Variants in FASTKD2 observed in about 807,000 individuals in gnomAD.
The protein encoded by FASTKD2 is FAST kinase domain-containing protein 2, mitochondrial.
A neutral mutation model predicts 63.6 loss-of-function variants in FASTKD2; 51 were observed. That is an observed-to-expected ratio of 0.80 (90% CI 0.64 to 1.01). FASTKD2 has a LOEUF of 1.01. Among genes scored for constraint, FASTKD2 ranks in the 50% least tolerant of loss-of-function variants. FASTKD2 has a pLI of 0.00. For synonymous variants in FASTKD2, 284 were observed against 293.4 expected (o/e 0.97, Z 0.33); for missense variants, 786 against 831.1 (o/e 0.95, Z 0.67).
intron 11 of FASTKD2, 136 bp downstream of exon 11, chr2:206,790,822 T>C (rs993759719): frequency 2.9e-6 from 2 of 694,692 alleles, no homozygotes; most frequent in Admixed American, 4.0e-5. Flanking sequence ...CTTTAGTTAC[T>C]GTTTTCTTTG....
At chr2:206,765,933 C>T (rs985001576) in intron 1 of FASTKD2, among the ~76,000 whole-genome samples, 186 bp downstream of exon 1, 2 of 151,990 alleles carry the variant, frequency 1.3e-5, no homozygotes, top group African/African-American at 4.8e-5. Flanking sequence ...TGCCCAGGTC[C>T]CTATTCTTGA....
intron 2 of FASTKD2, 27 bp from the exon 3 acceptor site, chr2:206,770,064 A>T: frequency 7.2e-7 from 1 of 1,380,524 alleles, no homozygotes; most frequent in Non-Finnish European, 1.0e-6. Context: ...CATCACCTGT[A>T]GTGTTTTTGT....
chr2:206,767,042 A>G lies in FASTKD2; in HGVS notation c.349A>G (p.Lys117Glu), dbSNP rs757770737. The G allele has an allele frequency of 6.2e-7, 1 of 1,614,042 alleles. No homozygotes were observed. The highest frequency in any genetic ancestry group is 8.5e-7 in the Non-Finnish European group (1 of 1,179,910). The change falls in exon 2 of 12, where the codon AAG becomes GAG. Residue 117 changes from lysine (K) to glutamate (E), a missense_variant. By Grantham distance (56) the Lys-to-Glu change is moderately conservative. Transcript: ENST00000402774. The part of the protein sequence containing the change: ...LYAKRLFFDS[K>E]QSLVPVDKSD... ...TGCTAAAAGACTGTTTTTTGACTCA[A>G]AGCAGTCTCTTGTCCCTGTTGATAA...
In FASTKD2 at chr2:206,792,197, G is replaced by T; in HGVS notation, c.*395G>T. On this transcript the variant is annotated 3_prime_UTR_variant, in exon 12 of 12. Transcript: ENST00000402774. ...CTGCTCTAAGCTGTTCTAAGACTTGGGGTTATGCCTTTAAATCATTTTCAA... is the reference window on the plus strand; with the variant it reads ...CTGCTCTAAGCTGTTCTAAGACTTGTGGTTATGCCTTTAAATCATTTTCAA... 4.8e-6 allele frequency: 1 copy of T among 207,664 alleles called. No individual in the cohort carries two copies. Among genetic ancestry groups the T allele is most frequent in the South Asian group, 7.9e-5 (1 of 12,718 alleles). 12.9% of individuals were successfully genotyped at this position (207,664 alleles called of 1,614,324 possible). A position where few individuals can be genotyped will look rare whatever the true frequency, so the allele number is the denominator to read the frequency against.
In FASTKD2 at chr2:206,793,471, T is replaced by C. The variant is rs1690353936; in HGVS notation, c.*1669T>C. Among the ~76,000 whole-genome samples, 1 of 152,136 alleles carries C rather than the reference T, an allele frequency of 6.6e-6. No individual in the cohort carries two copies. The highest frequency in any genetic ancestry group is 6.5e-5 in the Admixed American group (1 of 15,278). Reference sequence around the variant, plus strand: ...ATTTCATCCTCACCTGCTCTTCAGCTTGTGTCCCAGGAGATCAGGCTTCTG... The same window carrying C: ...ATTTCATCCTCACCTGCTCTTCAGCCTGTGTCCCAGGAGATCAGGCTTCTG... On this transcript the variant is annotated 3_prime_UTR_variant, in exon 12 of 12. Coordinates refer to ENST00000402774, the MANE Select transcript of FASTKD2 (RefSeq NM_001136193.2).
intron 7 of FASTKD2, among the ~76,000 whole-genome samples, chr2:206,780,354 C>T (rs12478819): frequency 0.044 from 6,761 of 152,174 alleles, 184 homozygotes; most frequent in Non-Finnish European, 0.062. Flanking sequence ...TTTTGAAGGA[C>T]GGTTTTGCCA....
At position 206,777,331 on chromosome 2, in the gene FASTKD2, C is replaced by G. The variant is rs140237033; in HGVS notation, c.1427+2934C>G. Among the ~76,000 whole-genome samples the G allele has an allele frequency of 2.2e-4, 33 of 152,128 alleles. No homozygotes were observed. In the East Asian group the frequency reaches 6.0e-3, roughly 28 times the overall value. On this transcript the variant is annotated intron_variant, in intron 7 of 11. Coordinates refer to ENST00000402774, the MANE Select transcript of FASTKD2 (RefSeq NM_001136193.2). Reference sequence around the variant, plus strand: ...GGCTTTTCATATATGGTCTTACTTACGGTGAGGCACATTTCTTCTATACCT... The same window carrying G: ...GGCTTTTCATATATGGTCTTACTTAGGGTGAGGCACATTTCTTCTATACCT...
chr2:206,774,357 T>A lies in FASTKD2; in HGVS notation c.1387T>A (p.Tyr463Asn). The change falls in exon 7 of 12, where the codon TAC (tyrosine) becomes AAC (asparagine). Residue 463 changes from tyrosine to asparagine, a missense_variant. Transcript: ENST00000402774. ...MKNILSILHT[Y>N]SSLNHVYKCQ... ...AAACATTCTATCTATTCTTCATACT[T>A]ACTCTTCTCTCAATCATGTCTACAA... 1 of 1,604,806 alleles carries A rather than the reference T, an allele frequency of 6.2e-7. No homozygotes were observed. The highest frequency in any genetic ancestry group is 8.5e-7 in the Non-Finnish European group (1 of 1,172,784).
Position 206,770,114 on chromosome 2 carries a change from G to C in FASTKD2, c.801G>C (p.Glu267Asp), listed in dbSNP as rs1446182896. 3.1e-6 allele frequency: 5 copies of C among 1,607,640 alleles called. No individual in the cohort carries two copies. Among genetic ancestry groups the C allele is most frequent in the Non-Finnish European group, 4.3e-6 (5 of 1,174,104 alleles). The change falls in exon 3 of 12, where the codon GAG becomes GAC. Residue 267 changes from glutamate to aspartate, a missense_variant. Glu to Asp is a conservative substitution (Grantham distance 45). Transcript: ENST00000402774. ...AGGAACGTATCAATGAGTGTGATGA[G>C]ATATGCCTTTCAGTTTTGTCAACTG... ...VTQERINECD[E>D]ICLSVLSTVL... is the part of the protein sequence containing the mutation.
rs368791899 is a variant in FASTKD2 at position 206,766,863 on chromosome 2, A to G, written c.170A>G (p.Asn57Ser). The change falls in exon 2 of 12, where the codon AAC (asparagine) becomes AGC (serine). Residue 57 changes from asparagine (N) to serine (S), a missense_variant. Coordinates refer to ENST00000402774, the MANE Select transcript of FASTKD2 (RefSeq NM_001136193.2). Reference sequence around the variant, plus strand: ...TGCAAACCAAAAATAGTTCATTCAAACTGGAACATTTTAAATAACTTTCAT... The same window carrying G: ...TGCAAACCAAAAATAGTTCATTCAAGCTGGAACATTTTAAATAACTTTCAT... ...GLCKPKIVHS[N>S]WNILNNFHNR... 24 of 1,605,000 alleles carry G rather than the reference A, an allele frequency of 1.5e-5. No homozygotes were observed. The African/African-American group carries it at 3.1e-4, about 21-fold the overall frequency.
Position 206,791,698 on chromosome 2 carries a change from A to G in FASTKD2, c.2029A>G (p.Met677Val), listed in dbSNP as rs779256739. The G allele has an allele frequency of 4.3e-6, 7 of 1,612,754 alleles. No individual in the cohort carries two copies. The East Asian group carries it at 1.6e-4, about 36-fold the overall frequency. The change falls in exon 12 of 12, where the codon ATG (methionine) becomes GTG (valine). Residue 677 changes from methionine to valine, a missense_variant. Transcript: ENST00000402774. ...FHVILVNNWE[M>V]DKLEMEDAVT... ...CTTTGGTAAGGTCAATAACTGGGAG[A>G]TGGACAAACTAGAGATGGAAGATGC...
chr2:206,779,133 G>A (rs1689901203), intron 7 of FASTKD2, among the ~76,000 whole-genome samples: 1 of 152,020 alleles, frequency 6.6e-6, no homozygotes, highest in Admixed American at 6.6e-5. Context: ...ATTATGTAAT[G>A]ACCTTGTTTG....
At chr2:206,791,595 A>C in intron 11 of FASTKD2, 88 bp from the exon 12 acceptor site, 4 of 1,252,188 alleles carry the variant, frequency 3.2e-6, no homozygotes, top group Non-Finnish European at 4.7e-6. Context: ...TATTGTCCTC[A>C]TGTTACTTTA....
Position 206,793,248 on chromosome 2 carries a change from A to AAAAAAAAAAAAAAC in FASTKD2, c.*1449_*1450insAAAAAAAAAACAAA, listed in dbSNP as rs1259024642. Among the ~76,000 whole-genome samples, 31 of 126,630 alleles carry AAAAAAAAAAAAAAC rather than the reference A, an allele frequency of 2.4e-4. 1 individual carries two copies. Among genetic ancestry groups the AAAAAAAAAAAAAAC allele is most frequent in the South Asian group, 5.5e-4 (2 of 3,664 alleles). The allele number at this position is 126,630 out of a possible 152,430, so 83.1% of individuals were successfully genotyped here. ...AAAAAAAAAAAAAAAAAAAAAAAAA[A>AAAAAAAAAAAAAAC]AAATACAAAAACTATAGCAATATGA... On this transcript the variant is annotated 3_prime_UTR_variant, in exon 12 of 12. Coordinates refer to ENST00000402774, the MANE Select transcript of FASTKD2 (RefSeq NM_001136193.2).
At position 206,766,997 on chromosome 2, in the gene FASTKD2, A is replaced by G; in HGVS notation, c.304A>G (p.Arg102Gly). The part of the protein sequence containing the change: ...TKGISTLTAL[R>G]IERLLYAKRL... ...GGGCATAAGCACTCTAACAGCCCTT[A>G]GAATTGAAAGACTACTTTATGCTAA... The change falls in exon 2 of 12, where the codon AGA (arginine) becomes GGA (glycine). Residue 102 changes from arginine to glycine, a missense_variant. Arg to Gly is a moderately radical substitution (Grantham distance 125). Coordinates refer to ENST00000402774, the MANE Select transcript of FASTKD2 (RefSeq NM_001136193.2). 6.2e-7 allele frequency: 1 copy of G among 1,613,346 alleles called. No homozygotes were observed. The highest frequency in any genetic ancestry group is 8.5e-7 in the Non-Finnish European group (1 of 1,179,316).
chr2:206,779,971 A>G (rs890944414), intron 7 of FASTKD2, among the ~76,000 whole-genome samples: 1 of 152,156 alleles, frequency 6.6e-6, no homozygotes, highest in Non-Finnish European at 1.5e-5. Flanking sequence ...TTAACAGTCT[A>G]TTTTAAGCTG....
At chr2:206,766,309 C>T (rs1689467021) in intron 1 of FASTKD2, among the ~76,000 whole-genome samples, 1 of 142,306 alleles carries the variant, frequency 7.0e-6, no homozygotes, top group Non-Finnish European at 1.5e-5. Context: ...AGAAAATGAT[C>T]TATCAATGCT....
At chr2:206,780,410 A>G (rs911982281) in intron 7 of FASTKD2, among the ~76,000 whole-genome samples, 4 of 152,232 alleles carry the variant, frequency 2.6e-5, no homozygotes, top group Admixed American at 2.6e-4. Context: ...CACTTTGAAT[A>G]CATTATCCCA....
rs1226783693 is a variant in FASTKD2 at position 206,793,982 on chromosome 2, CTG to C, written c.*2182_*2183del. Among the ~76,000 whole-genome samples, 3 of 152,170 alleles carry C rather than the reference CTG, an allele frequency of 2.0e-5. No homozygotes were observed. Among genetic ancestry groups the C allele is most frequent in the Non-Finnish European group, 2.9e-5 (2 of 68,030 alleles). On this transcript the variant is annotated 3_prime_UTR_variant, in exon 12 of 12. Coordinates refer to ENST00000402774, the MANE Select transcript of FASTKD2 (RefSeq NM_001136193.2). ...AGCACTTGCATAAGCTGTTGGTAGA[CTG>C]TAAATTAATACCTTTCTGGAATGTA... is the stretch of plus-strand genomic sequence containing the variant.
Sources: gnomAD v4.1 joint callset for allele counts (sites outside exome capture counted in the v4.1 genomes callset) on GRCh38, gnomAD v4.1.1 for gene constraint, MANE v1.5 for transcripts, NCBI Gene and HGNC (gene_info 2026-07-23, HGNC 2026-07-21) for gene names.